The following LRRK1 variants were observed in gnomAD, a reference collection of about 807,000 sequenced individuals.
The protein encoded by LRRK1 is leucine-rich repeat serine/threonine-protein kinase 1.
In LRRK1, 113 loss-of-function variants were observed where a neutral mutation model predicts 209.1. That is an observed-to-expected ratio of 0.54 (90% CI 0.46 to 0.63). The LOEUF (loss-of-function observed/expected upper bound fraction) is 0.63. LRRK1 is among the 30% of genes least tolerant of loss of function. The pLI is 0.00. For synonymous variants in LRRK1, 1,144 were observed against 1,099.7 expected (o/e 1.04, Z -0.80); for missense variants, 2,284 against 2,632.2 (o/e 0.87, Z 2.89).
chr15:101,013,118 C>A (rs2033351621), intron 10 of LRRK1, among the ~76,000 whole-genome samples: 1 of 151,150 alleles, frequency 6.6e-6, no homozygotes, highest in Non-Finnish European at 1.5e-5. Flanking sequence ...GGGAATGTGT[C>A]TGCTCGAGGT....
At chr15:100,940,492 T>C (rs2042380578) in intron 2 of LRRK1, among the ~76,000 whole-genome samples, 1 of 152,226 alleles carries the variant, frequency 6.6e-6, no homozygotes, top group African/African-American at 2.4e-5. Flanking sequence ...CATCCTCCTC[T>C]TGGTCTTCCA....
intron 7 of LRRK1, among the ~76,000 whole-genome samples, chr15:101,009,491 G>T (rs2033134250): frequency 6.6e-6 from 1 of 152,208 alleles, no homozygotes; most frequent in African/African-American, 2.4e-5. Flanking sequence ...GGCAGTCCAG[G>T]CTTGCTTCTT....
chr15:101,066,842 T>C (rs978884547), intron 33 of LRRK1, 101 bp downstream of exon 33: 6 of 1,044,046 alleles, frequency 5.7e-6, no homozygotes, highest in Non-Finnish European at 8.7e-6. Context: ...CCTTCCATTC[T>C]CCCAAATAGC....
chr15:100,962,042 A>G (rs1250205587), intron 2 of LRRK1, among the ~76,000 whole-genome samples: 1 of 152,182 alleles, frequency 6.6e-6, no homozygotes, highest in East Asian at 1.9e-4. Flanking sequence ...CTGAGTCAAG[A>G]TTCGGTAGAT....
At chr15:100,937,527 ATTATT>A (rs2042322739) in intron 2 of LRRK1, among the ~76,000 whole-genome samples, 1 of 136,494 alleles carries the variant, frequency 7.3e-6, no homozygotes. Context: ...TTATTTATTT[ATTATT>A]TTATTTTATT....
Position 100,950,431 on chromosome 15 carries a change from T to A in LRRK1, c.98-23373T>A, listed in dbSNP as rs2042622590. 1.3e-5 allele frequency among the ~76,000 whole-genome samples: 2 copies of A among 152,214 alleles called. 1 individual carries two copies. The highest frequency in any genetic ancestry group is 4.1e-4 in the South Asian group (2 of 4,836). On this transcript the variant is annotated intron_variant, in intron 2 of 33. Transcript: ENST00000388948. ...TGGCAATACTCCCCAAATTGACTTA[T>A]GCATTCAATGCAGTCTCTTTAAAAT...
chr15:100,924,492 G>T lies in LRRK1; in HGVS notation c.-122-19G>T. The T allele has an allele frequency of 3.1e-6, 2 of 648,332 alleles. No homozygotes were observed. Among genetic ancestry groups the T allele is most frequent in the Non-Finnish European group, 5.6e-6 (2 of 359,880 alleles). The allele number at this position is 648,332 out of a possible 1,614,324, so 40.2% of individuals were successfully genotyped here. On this transcript the variant is annotated intron_variant, in intron 1 of 33. Transcript: ENST00000388948. ...AGGAATTATAAAGGCTTTCTGTTTT[G>T]ATTGTTTTTCGCCACCAGAGCAAGA...
In LRRK1 at chr15:101,048,613, T is replaced by C; in HGVS notation, c.3255T>C (p.Tyr1085=). The change falls in exon 22 of 34, where the codon TAT becomes TAC. Residue 1085 remains tyrosine, a synonymous_variant. Transcript: ENST00000388948. ...GAGTGAAAAGAAATCAGACCATCTA[T>C]TGGCAGGAAGGGCTCCTGGTCACTT... is the stretch of plus-strand genomic sequence containing the variant. ...TFRVKRNQTI[Y]WQEGLLVTFD... 6.4e-7 allele frequency: 1 copy of C among 1,555,424 alleles called. No individual in the cohort carries two copies. Among genetic ancestry groups the C allele is most frequent in the Non-Finnish European group, 8.6e-7 (1 of 1,157,930 alleles).
rs2036693886 is a variant in LRRK1, at chr15:101,069,276, G to C, written c.*428G>C. 6.5e-6 allele frequency: 1 copy of C among 154,680 alleles called. No individual in the cohort carries two copies. The highest frequency in any genetic ancestry group is 6.5e-5 in the Admixed American group (1 of 15,470). 9.6% of individuals were successfully genotyped at this position (154,680 alleles called of 1,614,324 possible). A position where few individuals can be genotyped will look rare whatever the true frequency, so the allele number is the denominator to read the frequency against. ...GCTGGGAAGCACTTGAGGTAGGGCA[G>C]GAGGGGGGCTGTGACCCCTGCCCTT... On this transcript the variant is annotated 3_prime_UTR_variant, in exon 34 of 34. Coordinates refer to ENST00000388948, the MANE Select transcript of LRRK1 (RefSeq NM_024652.6).
chr15:101,013,626 T>C (rs900484691), intron 10 of LRRK1, among the ~76,000 whole-genome samples: 3 of 151,822 alleles, frequency 2.0e-5, no homozygotes, highest in African/African-American at 7.3e-5. Flanking sequence ...AAAAAGTAAA[T>C]AAATAAAAAG....
intron 2 of LRRK1, among the ~76,000 whole-genome samples, chr15:100,964,597 G>A (rs1318258702): frequency 6.6e-6 from 1 of 152,188 alleles, no homozygotes; most frequent in African/African-American, 2.4e-5. Context: ...GCTGTGGGCT[G>A]GTAGATCATT....
intron 4 of LRRK1, among the ~76,000 whole-genome samples, chr15:100,984,848 C>T (rs1596236956): frequency 1.3e-5 from 2 of 152,238 alleles, no homozygotes; most frequent in Middle Eastern, 6.8e-3. Context: ...TAGGGTGAGG[C>T]ACACCCTAGC....
chr15:100,939,118 T>G (rs555616049), intron 2 of LRRK1, among the ~76,000 whole-genome samples: 2 of 152,100 alleles, frequency 1.3e-5, no homozygotes, highest in African/African-American at 4.8e-5. Context: ...AGTCAAAATA[T>G]CAAATATCTA....
Position 101,065,471 on chromosome 15 carries a change from G to A in LRRK1, c.5034G>A (p.Lys1678=). The part of the protein sequence containing the change: ...YLCSHTANRS[K]FSIADEDARQ... ...GCTCACACACAGCCAACAGGTCCAA[G>A]TTCAGCATCGCGGATGAAGACGCAC... Residue 1678 remains lysine, a synonymous_variant, in exon 32 of 34, where the codon AAG becomes AAA. Transcript: ENST00000388948. 1 of 1,614,244 alleles carries A rather than the reference G, an allele frequency of 6.2e-7. No homozygotes were observed. The highest frequency in any genetic ancestry group is 8.5e-7 in the Non-Finnish European group (1 of 1,180,050).
At position 100,973,821 on chromosome 15, in the gene LRRK1, G is replaced by T. The variant is rs1386565028; in HGVS notation, c.115G>T (p.Gly39Cys). The T allele has an allele frequency of 3.1e-6, 4 of 1,292,202 alleles. No individual in the cohort carries two copies. Among genetic ancestry groups the T allele is most frequent in the Non-Finnish European group, 2.9e-6 (3 of 1,017,184 alleles). The allele number at this position is 1,292,202 out of a possible 1,614,324, so 80.0% of individuals were successfully genotyped here. ...CCGCGCAGGTGCCGGGGACACGGGC[G>T]GCAAGCCGTCCACGCGGGGCGGTGA... ...ETLNGAGDTGGKPSTRGGDPA... is the reference protein window; with the variant it reads ...ETLNGAGDTGCKPSTRGGDPA... The change falls in exon 3 of 34, where the codon GGC (glycine) becomes TGC (cysteine). Residue 39 changes from glycine to cysteine, a missense_variant. Physicochemically the swap from Gly to Cys is radical, Grantham distance 159. This residue lies in a region of LRRK1 where 174 missense variants were observed against 133.5 expected (regional missense o/e 1.30). Transcript: ENST00000388948.
intron 16 of LRRK1, 127 bp from the exon 17 acceptor site, chr15:101,025,838 C>A: frequency 1.1e-6 from 1 of 912,192 alleles, no homozygotes; most frequent in Non-Finnish European, 1.7e-6. Flanking sequence ...CGTCTCAAGG[C>A]TGCAGATTGG....
At chr15:101,066,304 GT>G in intron 32 of LRRK1, 99 bp downstream of exon 32, 1 of 1,447,498 alleles carries the variant, frequency 6.9e-7, no homozygotes, top group Non-Finnish European at 9.2e-7. Context: ...TACAGGTCAT[GT>G]GGGGAGGCAG....
intron 7 of LRRK1, among the ~76,000 whole-genome samples, chr15:101,009,975 C>T (rs1275149339): frequency 1.3e-5 from 2 of 152,178 alleles, no homozygotes; most frequent in African/African-American, 4.8e-5. Flanking sequence ...CTAAGTGAAG[C>T]AAGAGTCAAG....
chr15:100,929,367 G>T (rs2042169473), intron 2 of LRRK1, among the ~76,000 whole-genome samples: 2 of 152,286 alleles, frequency 1.3e-5, no homozygotes, highest in Admixed American at 1.3e-4. Context: ...ACCGGACCCA[G>T]CATGGACCAA....
Sources: gnomAD v4.1 joint callset for allele counts (sites outside exome capture counted in the v4.1 genomes callset) on GRCh38, gnomAD v4.1.1 for gene constraint, gnomAD v4.1.1 regional missense constraint, MANE v1.5 for transcripts, NCBI Gene and HGNC (gene_info 2026-07-23, HGNC 2026-07-21) for gene names.